PCDHGA12: variants seen among roughly 807,000 people sequenced by gnomAD.
The protein encoded by PCDHGA12 is protocadherin gamma subfamily A, 12.
In PCDHGA12, 43 loss-of-function variants were observed where a neutral mutation model predicts 61.1. That is an observed-to-expected ratio of 0.70 (90% confidence interval 0.55 to 0.91). The LOEUF is 0.91. Among genes scored for constraint, PCDHGA12 ranks in the 40% least tolerant of loss-of-function variants. PCDHGA12 has a pLI of 0.00. For missense variants in PCDHGA12, 1,236 were observed against 1,227.7 expected (o/e 1.01, Z -0.10); for synonymous variants, 520 against 542.9 (o/e 0.96, Z 0.59).
rs2099627530 is a variant in PCDHGA12, at chr5:141,486,292, T to C, written c.2425-8515T>C. On this transcript the variant is annotated intron_variant, in intron 1 of 3. Transcript: ENST00000252085. This position sits in a 1 kb window ranked among gnomAD's most constrained non-coding sequence, Gnocchi z 5.0. ...CTGGCACTGTGGTGGCACTTATCAGTGTGCAGGATCCAGACTCAGGGTCAA... is the reference window on the plus strand; with the variant it reads ...CTGGCACTGTGGTGGCACTTATCAGCGTGCAGGATCCAGACTCAGGGTCAA... 5 of 1,613,970 alleles carry C rather than the reference T, an allele frequency of 3.1e-6. No individual in the cohort carries two copies. The highest frequency in any genetic ancestry group is 4.2e-6 in the Non-Finnish European group (5 of 1,179,982).
At chr5:141,504,709 C>G (rs11743102) in intron 2 of PCDHGA12, among the ~76,000 whole-genome samples, 29,287 of 151,306 alleles carry the variant, frequency 0.19, 2,876 homozygotes, top group Middle Eastern at 0.24. Context: ...CTTCTATGGC[C>G]GTGGATTTTA....
intron 1 of PCDHGA12, among the ~76,000 whole-genome samples, chr5:141,437,452 G>GACTAT (rs1319101256): frequency 6.6e-6 from 1 of 152,144 alleles, no homozygotes; most frequent in Non-Finnish European, 1.5e-5. Context: ...ATGTTGAGGA[G>GACTAT]ACTATACTAT....
intron 1 of PCDHGA12, among the ~76,000 whole-genome samples, chr5:141,461,824 T>C (rs958063237): frequency 1.3e-5 from 2 of 151,968 alleles, no homozygotes; most frequent in African/African-American, 4.8e-5. Flanking sequence ...CAGCTAATTT[T>C]TTTTTCTTTT....
At chr5:141,479,358 GC>G (rs2154577546) in intron 1 of PCDHGA12, 1 of 152,584 alleles carries the variant, frequency 6.6e-6, no homozygotes, top group Non-Finnish European at 1.5e-5. Flanking sequence ...GCTGCTCAGT[GC>G]CTGAGGTGGG....
rs778744503 is a variant in PCDHGA12, at chr5:141,511,152, G to C, written c.2778G>C (p.Ser926=). 2 of 1,614,140 alleles carry C rather than the reference G, an allele frequency of 1.2e-6. No individual in the cohort carries two copies. Among genetic ancestry groups the C allele is most frequent in the South Asian group, 2.2e-5 (2 of 91,086 alleles). The change falls in exon 4 of 4, where the codon TCG becomes TCC. Residue 926 remains serine, a synonymous_variant. Coordinates refer to ENST00000252085, the MANE Select transcript of PCDHGA12 (RefSeq NM_003735.3). ...PAGGNGNKKK[S]GKKEKK ...GTGGCAATGGCAACAAGAAGAAGTC[G>C]GGCAAGAAGGAGAAGAAGTAACATG...
Position 141,430,840 on chromosome 5 carries a change from A to G in PCDHGA12, c.81A>G (p.Gly27=). ...TCCTGGGGACTCTGTGGGAGACCGG[A>G]TGCACCCAGATACGCTATTCAGTTC... ...GILLGTLWET[G]CTQIRYSVPE... Residue 27 remains glycine (G), a synonymous_variant, in exon 1 of 4, where the codon GGA becomes GGG. Coordinates refer to ENST00000252085, the MANE Select transcript of PCDHGA12 (RefSeq NM_003735.3). 1 of 1,565,876 alleles carries G rather than the reference A, an allele frequency of 6.4e-7. No homozygotes were observed. Among genetic ancestry groups the G allele is most frequent in the East Asian group, 2.2e-5 (1 of 44,562 alleles).
At chr5:141,500,227 G>T (rs959087347) in intron 2 of PCDHGA12, among the ~76,000 whole-genome samples, 15 of 116,224 alleles carry the variant, frequency 1.3e-4, no homozygotes, top group African/African-American at 2.9e-4. Context: ...TTTATTTATT[G>T]ATACGTAGCC....
intron 1 of PCDHGA12, among the ~76,000 whole-genome samples, chr5:141,466,790 A>C (rs1240777427): frequency 2.0e-5 from 3 of 152,210 alleles, no homozygotes; most frequent in Non-Finnish European, 2.9e-5. Context: ...TTAGTGCCTC[A>C]AACTAGATCC....
At chr5:141,472,745 G>A (rs931198460) in intron 1 of PCDHGA12, among the ~76,000 whole-genome samples, 4 of 152,038 alleles carry the variant, frequency 2.6e-5, no homozygotes, top group African/African-American at 9.7e-5. Flanking sequence ...CAGCACTTTG[G>A]GAGGCGGAGG....
chr5:141,475,550 TA>T (rs2099365126), intron 1 of PCDHGA12, among the ~76,000 whole-genome samples: 2 of 152,246 alleles, frequency 1.3e-5, no homozygotes, highest in Non-Finnish European at 2.9e-5. Context: ...AGGGTCCGGC[TA>T]ATTGTCTGTC....
intron 1 of PCDHGA12, among the ~76,000 whole-genome samples, chr5:141,473,965 A>C (rs925515548): frequency 1.1e-4 from 16 of 152,206 alleles, no homozygotes; most frequent in African/African-American, 3.9e-4. Flanking sequence ...TCTACTTAGA[A>C]GTCTGAGGCG....
chr5:141,474,407 G>A (rs1431210575), intron 1 of PCDHGA12, among the ~76,000 whole-genome samples: 2 of 152,230 alleles, frequency 1.3e-5, no homozygotes, highest in East Asian at 1.9e-4. Flanking sequence ...GCTCCCCGGT[G>A]ATGCCTAGAC....
Position 141,489,090 on chromosome 5 carries a change from C to CAAA in PCDHGA12, c.2425-5717_2425-5716insAAA. ...CCTGCCCACCCCCGCCACTCGGTGA[C>CAAA]TAAGAACTGCTGCAAGCAGGCAAAC... is the stretch of plus-strand genomic sequence containing the variant. On this transcript the variant is annotated intron_variant, in intron 1 of 3. Transcript: ENST00000252085. The surrounding 1 kb of genome is among the most constrained non-coding windows in gnomAD (Gnocchi z 4.5). 7 of 328,768 alleles carry CAAA rather than the reference C, an allele frequency of 2.1e-5. No homozygotes were observed. The highest frequency in any genetic ancestry group is 6.1e-5 in the Admixed American group (1 of 16,494). The allele number at this position is 328,768 out of a possible 1,614,324, so 20.4% of individuals were successfully genotyped here. A position where few individuals can be genotyped will look rare whatever the true frequency, so the allele number is the denominator to read the frequency against.
Position 141,511,606 on chromosome 5 carries a change from G to A in PCDHGA12, c.*433G>A, listed in dbSNP as rs1160129762. The stretch of plus-strand genomic sequence containing the variant: ...TGTTGAAGTACCAAGTAACCTACAA[G>A]CCTCCTAGTTCTGAAAAGTTGGAAG... On this transcript the variant is annotated 3_prime_UTR_variant, in exon 4 of 4. Transcript: ENST00000252085. 2 of 248,594 alleles carry A rather than the reference G, an allele frequency of 8.0e-6. No individual in the cohort carries two copies. Among genetic ancestry groups the A allele is most frequent in the Non-Finnish European group, 1.6e-5 (2 of 123,946 alleles). 15.4% of individuals were successfully genotyped at this position (248,594 alleles called of 1,614,324 possible). A position where few individuals can be genotyped will look rare whatever the true frequency, so the allele number is the denominator to read the frequency against.
Position 141,493,034 on chromosome 5 carries a change from G to A in PCDHGA12, c.2425-1773G>A, listed in dbSNP as rs75211372. 6.6e-6 allele frequency among the ~76,000 whole-genome samples: 1 copy of A among 152,230 alleles called. No homozygotes were observed. Among genetic ancestry groups the A allele is most frequent in the African/African-American group, 2.4e-5 (1 of 41,458 alleles). On this transcript the variant is annotated intron_variant, in intron 1 of 3. Transcript: ENST00000252085. This position sits in a 1 kb window ranked among gnomAD's most constrained non-coding sequence, Gnocchi z 4.3. ...GCCAGATGCCAGGGTGCCCTTATGTGTGAGGAAACTACAATAGTAAAAAAC... is the reference window on the plus strand; with the variant it reads ...GCCAGATGCCAGGGTGCCCTTATGTATGAGGAAACTACAATAGTAAAAAAC...
intron 1 of PCDHGA12, among the ~76,000 whole-genome samples, chr5:141,447,650 T>G (rs555134653): frequency 1.3e-5 from 2 of 151,988 alleles, no homozygotes; most frequent in Non-Finnish European, 2.9e-5. Flanking sequence ...GGTAGAATTT[T>G]CCCCCCCAGG....
rs779065098 is a variant in PCDHGA12 at position 141,491,758 on chromosome 5, C to T, written c.2425-3049C>T. 1.8e-5 allele frequency: 29 copies of T among 1,578,670 alleles called. No homozygotes were observed. Among genetic ancestry groups the T allele is most frequent in the Non-Finnish European group, 2.2e-5 (26 of 1,163,530 alleles). ...TGGGGGCGGCACTGGAGAAGCCGCC[C>T]GTCCTCATAAGGGATTGAACTTGCA... On this transcript the variant is annotated intron_variant, in intron 1 of 3. Transcript: ENST00000252085. The surrounding 1 kb of genome is among the most constrained non-coding windows in gnomAD (Gnocchi z 6.9).
chr5:141,448,788 A>C (rs865953914), intron 1 of PCDHGA12, among the ~76,000 whole-genome samples: 3 of 151,964 alleles, frequency 2.0e-5, no homozygotes, highest in South Asian at 2.1e-4. Flanking sequence ...AAAATACAAA[A>C]AAAAAAATTA....
rs771411620 is a variant in PCDHGA12, at chr5:141,485,551, G to A, written c.2425-9256G>A. ...GAGCAGAGGTAGAGATCGTAGATGT[G>A]AATGATCACGCCCCCCGTTTTCCGC... On this transcript the variant is annotated intron_variant, in intron 1 of 3. Transcript: ENST00000252085. This position sits in a 1 kb window ranked among gnomAD's most constrained non-coding sequence, Gnocchi z 5.7. 1.9e-6 allele frequency: 3 copies of A among 1,613,958 alleles called. No individual in the cohort carries two copies. Among genetic ancestry groups the A allele is most frequent in the Admixed American group, 1.7e-5 (1 of 60,006 alleles).
Sources: gnomAD v4.1 joint callset for allele counts (sites outside exome capture counted in the v4.1 genomes callset) on GRCh38, gnomAD v4.1.1 for gene constraint, Gnocchi (gnomAD v3.1) non-coding constraint, MANE v1.5 for transcripts, NCBI Gene and HGNC (gene_info 2026-07-23, HGNC 2026-07-21) for gene names.